CUL4B: variants seen among roughly 807,000 people sequenced by gnomAD.
CUL4B encodes the protein cullin-4B.
Under a neutral mutation model 69.2 loss-of-function variants are expected in CUL4B, and 1 was observed. That is an observed-to-expected ratio of 0.01 (90% CI 0.01 to 0.07). The LOEUF (loss-of-function observed/expected upper bound fraction) is 0.07, where lower values mean the gene tolerates loss of function less well. Ranked by LOEUF, CUL4B falls within the 10% of genes least tolerant of loss-of-function variation. CUL4B has a pLI of 1.00. For synonymous variants in CUL4B, 237 were observed against 223.2 expected (o/e 1.06, Z -0.55); for missense variants, 328 against 638.8 (o/e 0.51, Z 5.24).
intron 2 of CUL4B, among the ~76,000 whole-genome samples, chrX:120,574,234 G>C (rs1324892094): frequency 1.9e-5 from 2 of 106,169 alleles, no homozygotes; most frequent in East Asian, 6.0e-4. Context: ...TTTTTTGAGA[G>C]GGAGTCTCGA....
chrX:120,557,496 G>A (rs1000552650), intron 2 of CUL4B, among the ~76,000 whole-genome samples: 2 of 111,811 alleles, frequency 1.8e-5, no homozygotes, highest in African/African-American at 6.5e-5. Flanking sequence ...AAATGGCAAA[G>A]TCTACTATTA....
intron 8 of CUL4B, 28 bp downstream of exon 8, chrX:120,543,699 A>C (rs1481895871): frequency 9.6e-7 from 1 of 1,039,985 alleles, no homozygotes; most frequent in African/African-American, 1.9e-5. Context: ...ACAGTTTAAG[A>C]CTATTAAATT....
intron 2 of CUL4B, among the ~76,000 whole-genome samples, chrX:120,555,667 C>T (rs989575600): frequency 2.7e-5 from 3 of 110,495 alleles, no homozygotes; most frequent in African/African-American, 3.3e-5. Flanking sequence ...ATAGGCCAGG[C>T]GCGGTGGCTC....
intron 15 of CUL4B, among the ~76,000 whole-genome samples, chrX:120,536,583 G>C (rs2147326186): frequency 8.9e-6 from 1 of 112,356 alleles, no homozygotes; most frequent in South Asian, 3.6e-4. Flanking sequence ...CAGGGAAATT[G>C]ACCCTGAACC....
chrX:120,540,176 A>G (rs1923906925), intron 11 of CUL4B, among the ~76,000 whole-genome samples, 194 bp downstream of exon 11: 1 of 112,304 alleles, frequency 8.9e-6, no homozygotes, highest in African/African-American at 3.2e-5. Flanking sequence ...AAGAAAGCAC[A>G]TTATGTTTGA....
downstream of CUL4B, among the ~76,000 whole-genome samples, chrX:120,568,820 A>T (rs1463520594): frequency 8.9e-6 from 1 of 111,811 alleles, no homozygotes; most frequent in East Asian, 2.8e-4. Context: ...AAGCACACAG[A>T]CCTAAGTCCA....
At chrX:120,566,373 A>ATG (rs1556253270), upstream of CUL4B, among the ~76,000 whole-genome samples, 3 of 64,964 alleles carry the variant, frequency 4.6e-5, 1 homozygote, top group South Asian at 1.4e-3. Flanking sequence ...ATATATATAT[A>ATG]TATATATATA....
chrX:120,547,378 C>A, intron 2 of CUL4B, 139 bp from the exon 3 acceptor site: 1 of 486,463 alleles, frequency 2.1e-6, no homozygotes, highest in Non-Finnish European at 3.7e-6. Flanking sequence ...CAAGGTAAAA[C>A]AACAAAATAT....
At chrX:120,532,866 G>A (rs1354058449) in intron 17 of CUL4B, among the ~76,000 whole-genome samples, 1 of 111,611 alleles carries the variant, frequency 9.0e-6, no homozygotes, top group East Asian at 2.8e-4. Flanking sequence ...CAAAGTGCTG[G>A]GATTACAGAT....
rs192211056 is a variant in CUL4B at position 120,572,929 on chromosome X, A to T, written c.68-929T>A. Among the ~76,000 whole-genome samples the T allele has an allele frequency of 5.4e-5, 6 of 111,583 alleles. No homozygotes were observed. The East Asian group carries it at 1.7e-3, about 31-fold the overall frequency. On this transcript the variant is annotated intron_variant, in intron 2 of 2. Coordinates refer to the CUL4B transcript ENST00000486604. The stretch of plus-strand genomic sequence containing the variant: ...ACTATTAGTGTTTTGGAAGTTCTAC[A>T]TACTATTTACATTCTATTAATGGTC...
intron 18 of CUL4B, 146 bp from the exon 19 acceptor site, chrX:120,530,400 C>A: frequency 1.9e-6 from 1 of 539,756 alleles, no homozygotes; most frequent in South Asian, 2.9e-5. Flanking sequence ...TAGATGCTGA[C>A]AGAGAAAAAT....
chrX:120,560,567 A>T lies in CUL4B; in HGVS notation c.72T>A (p.Thr24=). 1 of 1,208,914 alleles carries T rather than the reference A, an allele frequency of 8.3e-7. No homozygotes were observed. ...AAAAQEVRSA[T]DGNTSTTPPT... ...GCGGAGTGGTGCTGGTATTACCATCAGTGGCAGATCTGACCTCCTGAGCAG... is the reference window on the plus strand; with the variant it reads ...GCGGAGTGGTGCTGGTATTACCATCTGTGGCAGATCTGACCTCCTGAGCAG... The change falls in exon 1 of 20, where the codon ACT becomes ACA. Residue 24 remains threonine (T), a synonymous_variant. Coordinates refer to ENST00000371322, the MANE Select transcript of CUL4B (RefSeq NM_001079872.2).
At chrX:120,565,670 C>CAAA (rs1198327776), upstream of CUL4B, among the ~76,000 whole-genome samples, 4 of 22,365 alleles carry the variant, frequency 1.8e-4, no homozygotes, top group East Asian at 2.1e-3. Flanking sequence ...TGACAGAGTG[C>CAAA]AAAAAAAAAA....
intron 2 of CUL4B, among the ~76,000 whole-genome samples, chrX:120,551,215 CTTTTTTT>C (rs1229112875): frequency 9.4e-6 from 1 of 106,794 alleles, no homozygotes; most frequent in African/African-American, 3.4e-5. Context: ...TTTCTTTTTT[CTTTTTTT>C]TTTAGATGGA....
upstream of CUL4B, chrX:120,560,986 T>G: frequency 1.1e-6 from 1 of 950,614 alleles, no homozygotes. Context: ...TCCTCCTCCT[T>G]TTCTCCCTCT....
At chrX:120,548,819 G>C (rs1202428674) in intron 2 of CUL4B, among the ~76,000 whole-genome samples, 1 of 111,482 alleles carries the variant, frequency 9.0e-6, no homozygotes, top group Non-Finnish European at 1.9e-5. Context: ...GGGCAACAGA[G>C]AGAGACTCCA....
At position 120,560,147 on chromosome X, in the gene CUL4B, G is replaced by A. The variant is rs1204640162; in HGVS notation, c.492C>T (p.Thr164=). 5 of 1,211,798 alleles carry A rather than the reference G, an allele frequency of 4.1e-6. No individual in the cohort carries two copies. The highest frequency in any genetic ancestry group is 2.2e-5 in the Admixed American group (1 of 46,054). ...HANGLAKSST[T]VSSFANSKPG... ...GTTTGCTGTTAGCAAAGCTAGAGAC[G>A]GTGGTAGAAGATTTGGCTAGGCCGT... The change falls in exon 1 of 20, where the codon ACC becomes ACT. Residue 164 remains threonine (T), a synonymous_variant. Coordinates refer to ENST00000371322, the MANE Select transcript of CUL4B (RefSeq NM_001079872.2).
chrX:120,533,967 G>C (rs1923488005), intron 17 of CUL4B, among the ~76,000 whole-genome samples: 1 of 110,804 alleles, frequency 9.0e-6, no homozygotes, highest in African/African-American at 3.3e-5. Context: ...TCGGGAGGCA[G>C]AGGCAGGAGA....
rs1169716579 is a variant in CUL4B at position 120,526,282 on chromosome X, A to C, written c.*479T>G. On this transcript the variant is annotated 3_prime_UTR_variant, in exon 20 of 20. Coordinates refer to ENST00000371322, the MANE Select transcript of CUL4B (RefSeq NM_001079872.2). ...ATTTCTCTTTTCAAGGGAAATCACA[A>C]AACGGGTGAACAACCAAGTCAAGGG... 3 of 113,958 alleles carry C rather than the reference A, an allele frequency of 2.6e-5. No homozygotes were observed. The highest frequency in any genetic ancestry group is 9.7e-5 in the African/African-American group (3 of 30,981). 9.4% of individuals were successfully genotyped at this position (113,958 alleles called of 1,213,427 possible). A position where few individuals can be genotyped will look rare whatever the true frequency, so the allele number is the denominator to read the frequency against.
Sources: allele counts gnomAD v4.1 joint callset (sites outside exome capture counted in the v4.1 genomes callset), GRCh38; gene constraint gnomAD v4.1.1; transcripts MANE v1.5; gene names NCBI Gene and HGNC (gene_info 2026-07-23, HGNC 2026-07-21).